Variants in HIBCH observed in about 807,000 individuals in gnomAD.
HIBCH encodes the protein 3-hydroxyisobutyryl-CoA hydrolase, mitochondrial.
A neutral mutation model predicts 58.2 loss-of-function variants in HIBCH; 50 were observed. The observed-to-expected ratio is 0.86, with a 90% CI of 0.68 to 1.09. The LOEUF (loss-of-function observed/expected upper bound fraction) is 1.09, where lower values mean the gene tolerates loss of function less well. Ranked by LOEUF, HIBCH falls within the 50% of genes least tolerant of loss-of-function variation. The pLI, the probability that HIBCH is intolerant of heterozygous loss-of-function variation, is 0.00. For missense variants in HIBCH, 450 were observed against 449.7 expected (o/e 1.00, Z -0.01); for synonymous variants, 151 against 146.9 (o/e 1.03, Z -0.20).
At chr2:190,200,378 T>C (rs1020024402), downstream of HIBCH, 2 of 472,740 alleles carry the variant, frequency 4.2e-6, no homozygotes, top group African/African-American at 3.9e-5. Context: ...TGAACAGAGG[T>C]CCTGTGACAC....
intron 1 of HIBCH, among the ~76,000 whole-genome samples, chr2:190,190,416 G>A (rs2690750): frequency 0.05 from 7,682 of 152,138 alleles, 619 homozygotes; most frequent in African/African-American, 0.17. Context: ...ATTCCATTTT[G>A]AGGATATCCC....
chr2:190,227,123 C>G (rs1685930183), intron 11 of HIBCH, among the ~76,000 whole-genome samples: 2 of 152,092 alleles, frequency 1.3e-5, no homozygotes, highest in African/African-American at 2.4e-5. Context: ...ATTGCCAAGT[C>G]AATCCTAAGC....
At chr2:190,317,911 C>A (rs1688747214) in intron 1 of HIBCH, among the ~76,000 whole-genome samples, 1 of 151,608 alleles carries the variant, frequency 6.6e-6, no homozygotes, top group South Asian at 2.1e-4. Flanking sequence ...GCAACCTCCC[C>A]CTCCCAGGTT....
At chr2:190,230,346 A>G (rs554662231) in intron 11 of HIBCH, among the ~76,000 whole-genome samples, 1 of 152,346 alleles carries the variant, frequency 6.6e-6, no homozygotes, top group East Asian at 1.9e-4. Context: ...ACAGACATCA[A>G]AAGATATTAC....
chr2:190,204,299 T>TA lies in HIBCH; in HGVS notation c.*817dup, dbSNP rs972494621. 7.2e-5 allele frequency: 11 copies of TA among 152,122 alleles called. No homozygotes were observed. Among genetic ancestry groups the TA allele is most frequent in the Middle Eastern group, 3.4e-3 (1 of 294 alleles). The allele number at this position is 152,122 out of a possible 1,614,324, so 9.4% of individuals were successfully genotyped here. A position where few individuals can be genotyped will look rare whatever the true frequency, so the allele number is the denominator to read the frequency against. On this transcript the variant is annotated 3_prime_UTR_variant, in exon 14 of 14. Coordinates refer to ENST00000359678, the MANE Select transcript of HIBCH (RefSeq NM_014362.4). ...TCACACAAAAGTCTTACGTAAATTA[T>TA]AAAAAAACAGAGTGTCTCTATCTAA...
chr2:190,305,754 T>TA (rs1217309590), intron 2 of HIBCH, among the ~76,000 whole-genome samples: 2 of 152,166 alleles, frequency 1.3e-5, no homozygotes, highest in Non-Finnish European at 2.9e-5. Context: ...TGTAAAATAA[T>TA]AAAAAATTAT....
chr2:190,276,153 C>T (rs1583878), intron 6 of HIBCH, among the ~76,000 whole-genome samples: 110,764 of 152,054 alleles, frequency 0.73, 40,799 homozygotes, highest in Non-Finnish European at 0.75. Context: ...GGCAACAATT[C>T]TTTGGGACGC....
rs115049523 is a variant in HIBCH at position 190,268,541 on chromosome 2, C to A, written c.439-7307G>T. On this transcript the variant is annotated intron_variant, in intron 6 of 13. Transcript: ENST00000359678. ...AAGACTTTACTTTTTAATTAAGAAA[C>A]CTAGCTAGATGAGTTTTCAGACTGT... Among the ~76,000 whole-genome samples, 623 of 152,250 alleles carry A rather than the reference C, an allele frequency of 4.1e-3. 4 individuals are homozygous for A. The highest frequency in any genetic ancestry group is 8.1e-3 in the South Asian group (39 of 4,822).
chr2:190,198,010 TAAC>T (rs1375830642), intron 1 of HIBCH, among the ~76,000 whole-genome samples: 2 of 152,168 alleles, frequency 1.3e-5, no homozygotes, highest in Admixed American at 1.3e-4. Context: ...TGCTGATGAT[TAAC>T]AACCAAGACA....
intron 5 of HIBCH, among the ~76,000 whole-genome samples, chr2:190,289,940 C>T (rs1186881260): frequency 6.6e-6 from 1 of 152,196 alleles, no homozygotes; most frequent in Non-Finnish European, 1.5e-5. Context: ...TGCAGTGGTG[C>T]AATCTCGAAT....
intron 2 of HIBCH, among the ~76,000 whole-genome samples, chr2:190,299,866 T>G (rs1242704885): frequency 6.6e-6 from 1 of 152,170 alleles, no homozygotes; most frequent in Non-Finnish European, 1.5e-5. Flanking sequence ...TTCCTCTTTG[T>G]GTCCATGTGT....
chr2:190,261,373 T>A (rs1247014154), intron 6 of HIBCH, 139 bp from the exon 7 acceptor site: 21 of 658,370 alleles, frequency 3.2e-5, no homozygotes, highest in Non-Finnish European at 5.1e-5. Context: ...GGGAATAGGT[T>A]GTCCCCACCT....
downstream of HIBCH, chr2:190,200,058 T>A (rs577325483): frequency 8.7e-6 from 14 of 1,614,092 alleles, no homozygotes; most frequent in South Asian, 1.5e-4. Flanking sequence ...ACCGCCTGTC[T>A]CAGGATATCT....
At chr2:190,199,977 T>C, downstream of HIBCH, 1 of 1,614,158 alleles carries the variant, frequency 6.2e-7, no homozygotes, top group Non-Finnish European at 8.5e-7. Flanking sequence ...CTAGGATGGC[T>C]TCTCCAGTTA....
chr2:190,224,893 A>T (rs1423106911), intron 11 of HIBCH, among the ~76,000 whole-genome samples: 3 of 152,238 alleles, frequency 2.0e-5, no homozygotes, highest in African/African-American at 7.2e-5. Flanking sequence ...TCCTCAGCAA[A>T]TGTAAAAGAA....
At chr2:190,264,837 G>A (rs1575734976) in intron 6 of HIBCH, among the ~76,000 whole-genome samples, 1 of 152,130 alleles carries the variant, frequency 6.6e-6, no homozygotes, top group Non-Finnish European at 1.5e-5. Flanking sequence ...GTATTAATCA[G>A]CCAGGTACAG....
At chr2:190,193,787 G>A (rs976517738) in intron 1 of HIBCH, among the ~76,000 whole-genome samples, 5 of 151,916 alleles carry the variant, frequency 3.3e-5, no homozygotes, top group Admixed American at 2.0e-4. Flanking sequence ...TGTCTCTATC[G>A]TATGCTTCAC....
Position 190,306,457 on chromosome 2 carries a change from C to T in HIBCH, c.78+4297G>A, listed in dbSNP as rs190750919. ...AGGTAATGTCTTCCTCTGGGACAGACAGCAGACTTATTTACAGCTTACTAA... is the reference window on the plus strand; with the variant it reads ...AGGTAATGTCTTCCTCTGGGACAGATAGCAGACTTATTTACAGCTTACTAA... On this transcript the variant is annotated intron_variant, in intron 2 of 13. Transcript: ENST00000359678. This position sits in a 1 kb window ranked among gnomAD's most constrained non-coding sequence, Gnocchi z 4.6. Among the ~76,000 whole-genome samples, 19 of 152,240 alleles carry T rather than the reference C, an allele frequency of 1.2e-4. No individual in the cohort carries two copies. Among genetic ancestry groups the T allele is most frequent in the African/African-American group, 4.3e-4 (18 of 41,534 alleles).
chr2:190,279,355 C>G lies in HIBCH; in HGVS notation c.438+8231G>C, dbSNP rs1157186725. Among the ~76,000 whole-genome samples the G allele has an allele frequency of 6.6e-6, 1 of 152,158 alleles. No homozygotes were observed. The highest frequency in any genetic ancestry group is 1.5e-5 in the Non-Finnish European group (1 of 68,028). ...CCGTAGCATTCCATCCCTGACCTCC[C>G]AAACTCATATCCTTCTCACATACAA... On this transcript the variant is annotated intron_variant, in intron 6 of 13. Coordinates refer to ENST00000359678, the MANE Select transcript of HIBCH (RefSeq NM_014362.4). The surrounding 1 kb of genome is among the most constrained non-coding windows in gnomAD (Gnocchi z 4.2).
Sources: allele counts gnomAD v4.1 joint callset (sites outside exome capture counted in the v4.1 genomes callset), GRCh38; gene constraint gnomAD v4.1.1; non-coding constraint Gnocchi (gnomAD v3.1); transcripts MANE v1.5; gene names NCBI Gene and HGNC (gene_info 2026-07-23, HGNC 2026-07-21).